The following ANKRD17 variants were observed in gnomAD, a reference collection of about 807,000 sequenced individuals.
ANKRD17 encodes ankyrin repeat domain 17.
In ANKRD17, 19 loss-of-function variants were observed where a neutral mutation model predicts 229.7. That is an observed-to-expected ratio of 0.08 (90% CI 0.06 to 0.12). ANKRD17 has a LOEUF of 0.12. ANKRD17 is among the 10% of genes least tolerant of loss of function. ANKRD17 has a pLI of 1.00. For missense variants in ANKRD17, 2,176 were observed against 3,176.8 expected (o/e 0.68, Z 7.57); for synonymous variants, 1,112 against 1,146.1 (o/e 0.97, Z 0.60).
intron 1 of ANKRD17, among the ~76,000 whole-genome samples, chr4:73,229,603 T>C (rs1046584221): frequency 2.7e-5 from 4 of 150,884 alleles, no homozygotes; most frequent in Non-Finnish European, 5.9e-5. Flanking sequence ...TTCAATTGAT[T>C]ATTTAAAAAA....
intron 27 of ANKRD17, among the ~76,000 whole-genome samples, chr4:73,094,997 C>A (rs1333753376): frequency 6.6e-6 from 1 of 151,638 alleles, no homozygotes; most frequent in Non-Finnish European, 1.5e-5. Context: ...ATAGTGAAAT[C>A]CTGTCTCTAC....
At chr4:73,110,056 A>T in intron 24 of ANKRD17, among the ~76,000 whole-genome samples, 1 of 151,384 alleles carries the variant, frequency 6.6e-6, no homozygotes, top group Non-Finnish European at 1.5e-5. Context: ...AAAAACTAAA[A>T]TGAAGTGAAG....
intron 1 of ANKRD17, among the ~76,000 whole-genome samples, chr4:73,235,228 C>T (rs1743394645): frequency 6.6e-6 from 1 of 152,134 alleles, no homozygotes; most frequent in Non-Finnish European, 1.5e-5. Context: ...CAGGAGTGGC[C>T]ACTATACCTA....
intron 18 of ANKRD17, 73 bp from the exon 19 acceptor site, chr4:73,121,832 C>A: frequency 4.2e-6 from 6 of 1,441,046 alleles, no homozygotes; most frequent in Non-Finnish European, 5.6e-6. Context: ...TTTTAAATTT[C>A]TTTTTCTGGT....
At chr4:73,148,748 T>C (rs1730621811) in intron 8 of ANKRD17, 65 bp downstream of exon 8, 1 of 1,446,504 alleles carries the variant, frequency 6.9e-7, no homozygotes, top group African/African-American at 1.4e-5. Flanking sequence ...TAAAATCCAA[T>C]TTTATAAAAT....
rs1418434258 is a variant in ANKRD17 at position 73,141,802 on chromosome 4, T to G, written c.2271A>C (p.Pro757=). 6 of 1,613,852 alleles carry G rather than the reference T, an allele frequency of 3.7e-6. No individual in the cohort carries two copies. Among genetic ancestry groups the G allele is most frequent in the Non-Finnish European group, 5.1e-6 (6 of 1,179,938 alleles). The change falls in exon 14 of 34, where the codon CCA becomes CCC. Residue 757 remains proline (P), a synonymous_variant. Transcript: ENST00000358602. The part of the protein sequence containing the change: ...VPVQALPMVV[P]PQEPDKPPAN... Reference sequence around the variant, plus strand: ...CAGGTGGTTTGTCAGGCTCCTGAGGTGGAACAACCATGGGCAGTGCTTGAA... The same window carrying G: ...CAGGTGGTTTGTCAGGCTCCTGAGGGGGAACAACCATGGGCAGTGCTTGAA...
chr4:73,140,408 C>A lies in ANKRD17; in HGVS notation c.2333-125G>T, dbSNP rs1034989380. ...ATCATATCCATAACAGGTGAAAATG[C>A]ACTGTTAAAAAATTAAAAACAAATC... On this transcript the variant is annotated intron_variant, in intron 14 of 33. Transcript: ENST00000358602. The A allele has an allele frequency of 3.2e-6, 3 of 939,902 alleles. No individual in the cohort carries two copies. In the African/African-American group the frequency reaches 5.1e-5, roughly 16 times the overall value. The allele number at this position is 939,902 out of a possible 1,614,324, so 58.2% of individuals were successfully genotyped here. A position where few individuals can be genotyped will look rare whatever the true frequency, so the allele number is the denominator to read the frequency against.
chr4:73,231,175 C>T (rs995638950), intron 1 of ANKRD17, among the ~76,000 whole-genome samples: 1 of 151,958 alleles, frequency 6.6e-6, no homozygotes, highest in Non-Finnish European at 1.5e-5. Context: ...GTCTAGGGGA[C>T]CTGGGGATAA....
At chr4:73,078,566 A>T in intron 31 of ANKRD17, 76 bp downstream of exon 31, 1 of 1,488,470 alleles carries the variant, frequency 6.7e-7, no homozygotes. Flanking sequence ...GGAAATGACT[A>T]TTAAAGTTAA....
intron 5 of ANKRD17, among the ~76,000 whole-genome samples, chr4:73,154,766 G>A (rs1427879536): frequency 6.6e-6 from 1 of 152,190 alleles, no homozygotes; most frequent in Non-Finnish European, 1.5e-5. Flanking sequence ...AACGGGCCGG[G>A]CGCGGTGGCT....
chr4:73,075,995 G>C lies in ANKRD17; in HGVS notation c.*236C>G. 1 of 382,186 alleles carries C rather than the reference G, an allele frequency of 2.6e-6. No homozygotes were observed. The highest frequency in any genetic ancestry group is 4.6e-5 in the Admixed American group (1 of 21,748). The allele number at this position is 382,186 out of a possible 1,614,324, so 23.7% of individuals were successfully genotyped here. On this transcript the variant is annotated 3_prime_UTR_variant, in exon 34 of 34. Transcript: ENST00000358602. ...TTATGTCCAAAGGGGAAGAGGGAAA[G>C]AAAAAAAGAAAAATGATAAGAAAAA...
intron 1 of ANKRD17, among the ~76,000 whole-genome samples, chr4:73,248,885 G>A (rs1744737526): frequency 6.6e-6 from 1 of 151,848 alleles, no homozygotes; most frequent in African/African-American, 2.4e-5. Context: ...ATTCTAGTAT[G>A]TGCTATACTA....
At chr4:73,237,397 C>T (rs1309851726) in intron 1 of ANKRD17, among the ~76,000 whole-genome samples, 1 of 152,214 alleles carries the variant, frequency 6.6e-6, no homozygotes, top group Non-Finnish European at 1.5e-5. Context: ...AGACATCTCA[C>T]ATACTAAGGC....
intron 1 of ANKRD17, among the ~76,000 whole-genome samples, chr4:73,206,970 C>T (rs980262515): frequency 6.6e-6 from 1 of 152,046 alleles, no homozygotes; most frequent in Non-Finnish European, 1.5e-5. Context: ...ATTACAGGAG[C>T]CTGCCACCAA....
chr4:73,147,116 T>A, intron 9 of ANKRD17, 125 bp downstream of exon 9: 1 of 901,546 alleles, frequency 1.1e-6, no homozygotes, highest in Non-Finnish European at 1.6e-6. Context: ...CATACAAAGG[T>A]ATATCACACG....
intron 20 of ANKRD17, among the ~76,000 whole-genome samples, 181 bp downstream of exon 20, chr4:73,120,700 T>C (rs1216901105): frequency 6.6e-6 from 1 of 152,094 alleles, no homozygotes; most frequent in Non-Finnish European, 1.5e-5. Context: ...TAAAAATTTA[T>C]CACTCAGGTA....
intron 26 of ANKRD17, among the ~76,000 whole-genome samples, chr4:73,097,476 C>T (rs1245553741): frequency 6.6e-6 from 1 of 151,288 alleles, no homozygotes; most frequent in African/African-American, 2.4e-5. Context: ...GCTCTGTTAC[C>T]CAGGCTGGAG....
chr4:73,221,782 AG>A, intron 1 of ANKRD17, among the ~76,000 whole-genome samples: 1 of 152,348 alleles, frequency 6.6e-6, no homozygotes, highest in South Asian at 2.1e-4. Context: ...CTTTTAGGAA[AG>A]GGGAAAAGAG....
At chr4:73,181,760 T>C (rs2149017302) in intron 1 of ANKRD17, among the ~76,000 whole-genome samples, 1 of 151,892 alleles carries the variant, frequency 6.6e-6, no homozygotes, top group East Asian at 1.9e-4. Flanking sequence ...TTAAAATAAG[T>C]ATTTGAGCTG....
Sources: gnomAD v4.1 joint callset for allele counts (sites outside exome capture counted in the v4.1 genomes callset) on GRCh38, gnomAD v4.1.1 for gene constraint, MANE v1.5 for transcripts, NCBI Gene and HGNC (gene_info 2026-07-23, HGNC 2026-07-21) for gene names.